Variants in RCAN2 observed in about 807,000 individuals in gnomAD.
The protein encoded by RCAN2 is regulator of calcineurin 2.
RCAN2 carries 9 observed loss-of-function variants against 23.6 expected under a neutral mutation model. The ratio of observed to expected loss-of-function variants is 0.38; its 90% CI spans 0.23 to 0.67. The LOEUF (loss-of-function observed/expected upper bound fraction) is 0.67. RCAN2 is among the 30% of genes least tolerant of loss of function. The probability of loss-of-function intolerance (pLI) is 0.51; values close to 1 mark genes in which losing one functional copy is unlikely to be tolerated. For missense variants in RCAN2, 273 were observed against 302.3 expected (o/e 0.90, Z 0.72); for synonymous variants, 109 against 115.7 (o/e 0.94, Z 0.37).
rs141241444 is a variant in RCAN2 at position 46,379,710 on chromosome 6, G to A, written c.225+77042C>T. On this transcript the variant is annotated intron_variant, in intron 2 of 4. Coordinates refer to ENST00000371374, the MANE Select transcript of RCAN2 (RefSeq NM_001251974.2). Reference sequence around the variant, plus strand: ...CTCTCTTCTCTGTTCCTCGTTACCCGACTCTGCAGCCTTAATGACATCTCC... The same window carrying A: ...CTCTCTTCTCTGTTCCTCGTTACCCAACTCTGCAGCCTTAATGACATCTCC... 3.0e-3 allele frequency among the ~76,000 whole-genome samples: 464 copies of A among 152,198 alleles called. 1 individual carries two copies. Among genetic ancestry groups the A allele is most frequent in the Admixed American group, 0.019 (292 of 15,286 alleles).
At chr6:46,440,700 T>A (rs984706967) in intron 2 of RCAN2, among the ~76,000 whole-genome samples, 12 of 152,058 alleles carry the variant, frequency 7.9e-5, no homozygotes, top group African/African-American at 2.9e-4. Flanking sequence ...AATTTTTAAT[T>A]TGAGTTTCCT....
intron 2 of RCAN2, among the ~76,000 whole-genome samples, chr6:46,282,382 A>T (rs866546125): frequency 1.8e-5 from 2 of 113,802 alleles, no homozygotes; most frequent in Non-Finnish European, 1.8e-5. Context: ...CATCTCTACT[A>T]AAAAAAAAAA....
intron 2 of RCAN2, among the ~76,000 whole-genome samples, chr6:46,381,399 A>C (rs945440842): frequency 2.0e-5 from 3 of 152,200 alleles, no homozygotes; most frequent in African/African-American, 7.2e-5. Context: ...TTATTTTGCC[A>C]GTTTCTGAAA....
chr6:46,396,524 G>A (rs763587897), intron 2 of RCAN2, among the ~76,000 whole-genome samples: 11 of 152,160 alleles, frequency 7.2e-5, no homozygotes, highest in South Asian at 2.1e-4. Flanking sequence ...TTTGAGATGC[G>A]TTTATGTGTG....
intron 2 of RCAN2, among the ~76,000 whole-genome samples, chr6:46,290,754 G>A (rs1356651318): frequency 2.0e-5 from 3 of 152,192 alleles, no homozygotes; most frequent in African/African-American, 7.2e-5. Flanking sequence ...GACTAAAACC[G>A]TGAAGACGGA....
intron 2 of RCAN2, among the ~76,000 whole-genome samples, chr6:46,416,489 A>G (rs527900447): frequency 6.6e-6 from 1 of 151,538 alleles, no homozygotes; most frequent in South Asian, 2.1e-4. Flanking sequence ...AATAAGAACA[A>G]AATGAAAGTT....
intron 2 of RCAN2, among the ~76,000 whole-genome samples, chr6:46,413,800 C>T (rs796680670): frequency 6.6e-5 from 10 of 152,186 alleles, no homozygotes; most frequent in African/African-American, 1.4e-4. Context: ...CTGGGGAAAC[C>T]GACCCCTGAC....
At chr6:46,436,270 T>A (rs1476051797) in intron 2 of RCAN2, among the ~76,000 whole-genome samples, 2 of 152,250 alleles carry the variant, frequency 1.3e-5, no homozygotes, top group African/African-American at 2.4e-5. Flanking sequence ...TAGAGTGCAG[T>A]GGCACAATCT....
In RCAN2 at chr6:46,249,156, C is replaced by T. The variant is rs555670568; in HGVS notation, c.226-260G>A. On this transcript the variant is annotated intron_variant, in intron 2 of 4. Coordinates refer to ENST00000371374, the MANE Select transcript of RCAN2 (RefSeq NM_001251974.2). ...AGTATATGAAACAAATGGGAAATTACGCAAAATGTTGAGTATTTCTGTAGA... is the reference window on the plus strand; with the variant it reads ...AGTATATGAAACAAATGGGAAATTATGCAAAATGTTGAGTATTTCTGTAGA... Among the ~76,000 whole-genome samples the T allele has an allele frequency of 8.5e-4, 129 of 151,514 alleles. No individual in the cohort carries two copies. In the South Asian group the frequency reaches 0.021, roughly 25 times the overall value.
chr6:46,406,703 A>T (rs1766415663), intron 2 of RCAN2, among the ~76,000 whole-genome samples: 1 of 152,254 alleles, frequency 6.6e-6, no homozygotes, highest in Non-Finnish European at 1.5e-5. Context: ...GGCAGTGAAC[A>T]CTTTGAAAGA....
intron 2 of RCAN2, among the ~76,000 whole-genome samples, chr6:46,415,989 T>G (rs1215982361): frequency 6.6e-6 from 1 of 152,180 alleles, no homozygotes; most frequent in African/African-American, 2.4e-5. Context: ...ACAATGTAAA[T>G]GCTATGTAAA....
chr6:46,435,036 C>T lies in RCAN2; in HGVS notation c.225+21716G>A, dbSNP rs868643029. 7.9e-5 allele frequency among the ~76,000 whole-genome samples: 12 copies of T among 152,088 alleles called. No homozygotes were observed. The South Asian group carries it at 8.3e-4, about 11-fold the overall frequency. On this transcript the variant is annotated intron_variant, in intron 2 of 4. Transcript: ENST00000371374. The stretch of plus-strand genomic sequence containing the variant: ...TCTCTGACAATTAAATATGTCGTTG[C>T]GATGCATTATTTATTCATGATGGCC...
Position 46,227,580 on chromosome 6 carries a change from T to G in RCAN2, c.572-4279A>C, listed in dbSNP as rs1487897709. On this transcript the variant is annotated intron_variant, in intron 4 of 4. Coordinates refer to ENST00000371374, the MANE Select transcript of RCAN2 (RefSeq NM_001251974.2). Reference sequence around the variant, plus strand: ...TTTCTAGTTTATTTGCGTAGAGTGTTTATAGTATTCTCTGATGGTAGTTTG... The same window carrying G: ...TTTCTAGTTTATTTGCGTAGAGTGTGTATAGTATTCTCTGATGGTAGTTTG... 3.3e-5 allele frequency among the ~76,000 whole-genome samples: 5 copies of G among 152,202 alleles called. No homozygotes were observed. In the East Asian group the frequency reaches 7.7e-4, roughly 23 times the overall value.
intron 2 of RCAN2, among the ~76,000 whole-genome samples, chr6:46,275,297 A>G (rs2150335345): frequency 6.6e-6 from 1 of 152,276 alleles, no homozygotes; most frequent in South Asian, 2.1e-4. Context: ...TCAGCAGACT[A>G]GGGTTTTACA....
intron 2 of RCAN2, among the ~76,000 whole-genome samples, chr6:46,288,481 C>A (rs576279497): frequency 1.3e-5 from 2 of 152,310 alleles, no homozygotes; most frequent in Non-Finnish European, 1.5e-5. Flanking sequence ...TCTATGGATA[C>A]CCTCTGAGGA....
chr6:46,237,096 A>G (rs978613231), intron 4 of RCAN2, among the ~76,000 whole-genome samples: 1 of 151,928 alleles, frequency 6.6e-6, no homozygotes, highest in Non-Finnish European at 1.5e-5. Context: ...CACTGTTTAC[A>G]TATTCTACAA....
intron 2 of RCAN2, among the ~76,000 whole-genome samples, chr6:46,349,239 G>A (rs1182776286): frequency 6.6e-6 from 1 of 152,090 alleles, no homozygotes; most frequent in East Asian, 1.9e-4. Flanking sequence ...AGAATTCTGG[G>A]TCCTGAAGCA....
chr6:46,325,396 A>C (rs1054378705), intron 2 of RCAN2: 1 of 1,614,058 alleles, frequency 6.2e-7, no homozygotes, highest in African/African-American at 1.3e-5. Flanking sequence ...TGCATACCTT[A>C]ACCTCCTGAT....
chr6:46,229,027 G>C (rs1765779891), intron 4 of RCAN2, among the ~76,000 whole-genome samples: 2 of 152,088 alleles, frequency 1.3e-5, no homozygotes, highest in African/African-American at 2.4e-5. Flanking sequence ...CTTCACTTAT[G>C]AAGCTTAGTT....
Sources: gnomAD v4.1 joint callset for allele counts (sites outside exome capture counted in the v4.1 genomes callset) on GRCh38, gnomAD v4.1.1 for gene constraint, MANE v1.5 for transcripts, NCBI Gene and HGNC (gene_info 2026-07-23, HGNC 2026-07-21) for gene names.